CTNNA3: variants seen among roughly 807,000 people sequenced by gnomAD.
The protein encoded by CTNNA3 is catenin alpha 3.
CTNNA3 carries 76 observed loss-of-function variants against 95.7 expected under a neutral mutation model. The observed-to-expected ratio is 0.79, with a 90% CI of 0.66 to 0.96. CTNNA3 has a LOEUF of 0.96. Among genes scored for constraint, CTNNA3 ranks in the 40% least tolerant of loss-of-function variants. The pLI, the probability that CTNNA3 is intolerant of heterozygous loss-of-function variation, is 0.00. For missense variants in CTNNA3, 1,191 were observed against 1,089.8 expected (o/e 1.09, Z -1.31); for synonymous variants, 431 against 374.4 (o/e 1.15, Z -1.74).
intron 5 of CTNNA3, among the ~76,000 whole-genome samples, chr10:67,419,969 A>G (rs947426217): frequency 4.6e-5 from 7 of 151,994 alleles, no homozygotes; most frequent in Admixed American, 3.3e-4. Context: ...CTCCCACTTC[A>G]GCCACCTGAG....
At chr10:66,828,500 TC>T (rs1325666750) in intron 7 of CTNNA3, among the ~76,000 whole-genome samples, 4 of 152,182 alleles carry the variant, frequency 2.6e-5, no homozygotes, top group African/African-American at 7.2e-5. Flanking sequence ...CAGAAACCAT[TC>T]TTTTTTCCTT....
intron 12 of CTNNA3, among the ~76,000 whole-genome samples, chr10:66,283,889 T>C (rs751448403): frequency 2.4e-4 from 37 of 151,840 alleles, no homozygotes; most frequent in Non-Finnish European, 3.8e-4. Flanking sequence ...TATGGTAATT[T>C]AGGAAGAATA....
chr10:67,533,684 G>C (rs914029278), intron 4 of CTNNA3, among the ~76,000 whole-genome samples: 5 of 152,046 alleles, frequency 3.3e-5, no homozygotes, highest in African/African-American at 1.2e-4. Flanking sequence ...TCCATTTTTG[G>C]TTGCTCAGTG....
At chr10:67,090,051 CAT>C (rs1857538553) in intron 7 of CTNNA3, among the ~76,000 whole-genome samples, 1 of 151,970 alleles carries the variant, frequency 6.6e-6, no homozygotes, top group Admixed American at 6.6e-5. Context: ...GAAAAGCTAA[CAT>C]ATTTTAACTG....
At chr10:66,378,279 A>G (rs982350867) in intron 12 of CTNNA3, among the ~76,000 whole-genome samples, 2 of 152,208 alleles carry the variant, frequency 1.3e-5, no homozygotes, top group Non-Finnish European at 2.9e-5. Context: ...TTCATATTCC[A>G]TATGCATAAC....
At position 67,285,305 on chromosome 10, in the gene CTNNA3, C is replaced by G. The variant is rs962985760; in HGVS notation, c.580-65435G>C. Among the ~76,000 whole-genome samples the G allele has an allele frequency of 3.3e-5, 5 of 152,096 alleles. No individual in the cohort carries two copies. In the South Asian group the frequency reaches 6.2e-4, roughly 19 times the overall value. The stretch of plus-strand genomic sequence containing the variant: ...CAGCATTGCAGAGCTAGCTATGGGC[C>G]CCTAGAAATCATCCGTAAACTTCAC... On this transcript the variant is annotated intron_variant, in intron 5 of 17. Coordinates refer to ENST00000433211, the MANE Select transcript of CTNNA3 (RefSeq NM_013266.4).
At chr10:66,195,115 C>A (rs1221243330) in intron 13 of CTNNA3, among the ~76,000 whole-genome samples, 1 of 151,988 alleles carries the variant, frequency 6.6e-6, no homozygotes, top group Non-Finnish European at 1.5e-5. Context: ...GGAGCTTGAT[C>A]ATATTGGCCA....
At chr10:67,511,476 T>G (rs1015751077) in intron 5 of CTNNA3, among the ~76,000 whole-genome samples, 24 of 152,238 alleles carry the variant, frequency 1.6e-4, no homozygotes, top group African/African-American at 5.3e-4. Flanking sequence ...TAGTCGGTTC[T>G]GTTTATGTGA....
chr10:66,614,086 A>G (rs1462546265), intron 10 of CTNNA3, among the ~76,000 whole-genome samples: 3 of 152,138 alleles, frequency 2.0e-5, no homozygotes, highest in Admixed American at 2.0e-4. Flanking sequence ...AGTGTGTGCT[A>G]AATACATCAT....
chr10:67,750,933 T>G (rs1589589178), intron 1 of CTNNA3: 2 of 1,609,554 alleles, frequency 1.2e-6, no homozygotes, highest in East Asian at 4.5e-5. Flanking sequence ...GCTCTCCGGA[T>G]AGACTTTGGG....
chr10:66,801,727 G>A (rs955464716), intron 7 of CTNNA3, among the ~76,000 whole-genome samples: 4 of 151,394 alleles, frequency 2.6e-5, no homozygotes, highest in African/African-American at 9.7e-5. Context: ...AATCCAGCAG[G>A]CTTTTATTTC....
At chr10:66,302,646 T>G (rs1251257602) in intron 12 of CTNNA3, among the ~76,000 whole-genome samples, 1 of 152,094 alleles carries the variant, frequency 6.6e-6, no homozygotes, top group African/African-American at 2.4e-5. Flanking sequence ...AAATATACCA[T>G]GATAATGTAA....
intron 1 of CTNNA3, among the ~76,000 whole-genome samples, chr10:67,720,785 C>G (rs1176564948): frequency 6.6e-6 from 1 of 152,092 alleles, no homozygotes; most frequent in Non-Finnish European, 1.5e-5. Flanking sequence ...GAAACCCTGT[C>G]TCTACTAAAA....
chr10:66,975,611 G>A (rs531002944), intron 7 of CTNNA3, among the ~76,000 whole-genome samples: 1 of 152,290 alleles, frequency 6.6e-6, no homozygotes, highest in Non-Finnish European at 1.5e-5. Context: ...GTCATGTACA[G>A]AGCACTTGGC....
chr10:66,471,219 C>T (rs141747468), intron 11 of CTNNA3, among the ~76,000 whole-genome samples: 4 of 151,768 alleles, frequency 2.6e-5, no homozygotes, highest in Non-Finnish European at 5.9e-5. Context: ...TAATTTGACA[C>T]TTTATTTCTA....
chr10:67,731,930 TTTTTTG>T (rs142016549), intron 1 of CTNNA3, among the ~76,000 whole-genome samples: 3 of 150,874 alleles, frequency 2.0e-5, no homozygotes, highest in South Asian at 2.1e-4. Flanking sequence ...CCGGCTAATT[TTTTTTG>T]TTTTTGTTTT....
At chr10:65,926,198 T>C (rs900176835) in intron 17 of CTNNA3, among the ~76,000 whole-genome samples, 5 of 151,616 alleles carry the variant, frequency 3.3e-5, no homozygotes, top group Non-Finnish European at 5.9e-5. Flanking sequence ...AATGCTTAAT[T>C]ACATATAAAT....
chr10:66,618,370 T>C (rs1359775304), intron 10 of CTNNA3, among the ~76,000 whole-genome samples: 1 of 151,874 alleles, frequency 6.6e-6, no homozygotes, highest in Non-Finnish European at 1.5e-5. Context: ...GAGATATAGA[T>C]CAATGGAACA....
At chr10:66,459,451 T>C (rs2093514338) in intron 11 of CTNNA3, among the ~76,000 whole-genome samples, 1 of 152,194 alleles carries the variant, frequency 6.6e-6, no homozygotes, top group Non-Finnish European at 1.5e-5. Flanking sequence ...TAATCTATGA[T>C]GCTTTTTACA....
Sources: allele counts gnomAD v4.1 joint callset (sites outside exome capture counted in the v4.1 genomes callset), GRCh38; gene constraint gnomAD v4.1.1; transcripts MANE v1.5; gene names NCBI Gene and HGNC (gene_info 2026-07-23, HGNC 2026-07-21).